The following TNIP3 variants were observed in gnomAD, a reference collection of about 807,000 sequenced individuals.
The protein encoded by TNIP3 is TNFAIP3 interacting protein 3.
TNIP3 carries 34 observed loss-of-function variants against 54.1 expected under a neutral mutation model. The ratio of observed to expected loss-of-function variants is 0.63; its 90% CI spans 0.48 to 0.84. The LOEUF is 0.84. Ranked by LOEUF, TNIP3 falls within the 40% of genes least tolerant of loss-of-function variation. TNIP3 has a pLI of 0.00. For synonymous variants in TNIP3, 134 were observed against 136.8 expected, an observed-to-expected ratio of 0.98 and a Z score of 0.14; for missense variants, 366 against 387.6, an observed-to-expected ratio of 0.94 and a Z score of 0.47.
chr4:121,155,517 G>A (rs1730030219), intron 4 of TNIP3, among the ~76,000 whole-genome samples: 1 of 152,010 alleles, frequency 6.6e-6, no homozygotes, highest in Non-Finnish European at 1.5e-5. Context: ...TTTTTAAAAG[G>A]TAGAAATCAA....
At chr4:121,192,170 A>C (rs1725338924) in intron 2 of TNIP3, among the ~76,000 whole-genome samples, 1 of 152,168 alleles carries the variant, frequency 6.6e-6, no homozygotes, top group Non-Finnish European at 1.5e-5. Context: ...GTGTGCATAC[A>C]AAAAAGAGAT....
chr4:121,143,190 A>G (rs1353810134), intron 7 of TNIP3, among the ~76,000 whole-genome samples: 1 of 152,186 alleles, frequency 6.6e-6, no homozygotes, highest in African/African-American at 2.4e-5. Context: ...AATTCTCCCA[A>G]TCCCTCTATG....
At chr4:121,178,696 C>T (rs1429542665) in intron 3 of TNIP3, among the ~76,000 whole-genome samples, 1 of 152,116 alleles carries the variant, frequency 6.6e-6, no homozygotes, top group African/African-American at 2.4e-5. Context: ...TTTGATACTC[C>T]CCTGCAGACT....
chr4:121,216,608 AAAGCCATGTTTTTAT>A, exon 1 of TNIP3: 1 of 1,487,740 alleles, frequency 6.7e-7, no homozygotes, highest in South Asian at 1.3e-5. Context: ...TTTTTCATCA[AAAGCCATGTTTTTAT>A]TCTCATGTCT....
intron 2 of TNIP3, among the ~76,000 whole-genome samples, chr4:121,201,528 A>C (rs1725886467): frequency 1.3e-5 from 2 of 152,212 alleles, no homozygotes; most frequent in Admixed American, 1.3e-4. Flanking sequence ...TGCCTTAGGC[A>C]AACTTAGAGC....
intron 2 of TNIP3, among the ~76,000 whole-genome samples, chr4:121,196,616 G>T (rs1275866503): frequency 6.6e-6 from 1 of 150,884 alleles, no homozygotes; most frequent in Non-Finnish European, 1.5e-5. Context: ...CTTTGAAGAT[G>T]AAAAAAATTA....
At chr4:121,202,320 T>A (rs552257854) in intron 2 of TNIP3, among the ~76,000 whole-genome samples, 3 of 152,072 alleles carry the variant, frequency 2.0e-5, no homozygotes, top group Non-Finnish European at 2.9e-5. Flanking sequence ...GGGAAAGGAC[T>A]CCCTATTCAA....
chr4:121,169,497 C>G (rs866529680), intron 3 of TNIP3, among the ~76,000 whole-genome samples: 25 of 152,276 alleles, frequency 1.6e-4, no homozygotes, highest in African/African-American at 5.8e-4. Flanking sequence ...CCTCCCGACA[C>G]TAGCTTGTAA....
At chr4:121,192,386 C>T (rs1725349703) in intron 2 of TNIP3, among the ~76,000 whole-genome samples, 1 of 152,208 alleles carries the variant, frequency 6.6e-6, no homozygotes, top group African/African-American at 2.4e-5. Flanking sequence ...GGCACGTTCC[C>T]AGTCCCTTCG....
chr4:121,221,909 A>G (rs1727042313), intron 1 of TNIP3, among the ~76,000 whole-genome samples: 1 of 152,136 alleles, frequency 6.6e-6, no homozygotes, highest in South Asian at 2.1e-4. Context: ...GAACACCTGC[A>G]TTTCTTCTTC....
chr4:121,155,253 A>G (rs1730015377), intron 4 of TNIP3, among the ~76,000 whole-genome samples: 1 of 152,146 alleles, frequency 6.6e-6, no homozygotes, highest in South Asian at 2.1e-4. Flanking sequence ...CTTACTTTCA[A>G]TTATCAGACA....
At chr4:121,195,042 G>T (rs1160233771) in intron 2 of TNIP3, among the ~76,000 whole-genome samples, 1 of 148,656 alleles carries the variant, frequency 6.7e-6, no homozygotes, top group East Asian at 1.9e-4. Flanking sequence ...GTGGCAGGTG[G>T]CTGTAATCCC....
At chr4:121,184,564 A>C (rs945236968) in intron 2 of TNIP3, among the ~76,000 whole-genome samples, 1 of 152,182 alleles carries the variant, frequency 6.6e-6, no homozygotes, top group Non-Finnish European at 1.5e-5. Context: ...CTGGTTTAGA[A>C]TCAGCCCCTT....
intron 2 of TNIP3, among the ~76,000 whole-genome samples, chr4:121,186,211 T>A (rs563163631): frequency 2.0e-5 from 3 of 152,128 alleles, no homozygotes; most frequent in Non-Finnish European, 4.4e-5. Context: ...GAGAACCATA[T>A]GGTGGTGACC....
At chr4:121,193,399 T>G (rs1210034852) in intron 2 of TNIP3, among the ~76,000 whole-genome samples, 2 of 152,102 alleles carry the variant, frequency 1.3e-5, no homozygotes, top group African/African-American at 2.4e-5. Context: ...TAAGAATACA[T>G]TAGAATTCAT....
Position 121,202,290 on chromosome 4 carries a change from G to A in TNIP3, c.68+14125C>T, listed in dbSNP as rs1725936111. On this transcript the variant is annotated intron_variant, in intron 2 of 12. Transcript: ENST00000507879. The stretch of plus-strand genomic sequence containing the variant: ...TTAGAGCCAACTGATCTTTGACAAT[G>A]CAAACAAAAACATAAAGTGGGGAAA... 2.0e-5 allele frequency among the ~76,000 whole-genome samples: 3 copies of A among 152,132 alleles called. No homozygotes were observed. In the South Asian group the frequency reaches 6.2e-4, roughly 31 times the overall value.
At chr4:121,151,497 C>T (rs1040893441) in intron 5 of TNIP3, among the ~76,000 whole-genome samples, 1 of 151,888 alleles carries the variant, frequency 6.6e-6, no homozygotes, top group African/African-American at 2.4e-5. Flanking sequence ...CTTTTTTCAT[C>T]CTTCAGGGAG....
Position 121,147,118 on chromosome 4 carries a change from A to G in TNIP3, c.666T>C (p.Asn222=). ...TTTGCTGTAGCTCCTCTTTCTCTTG[A>G]TTAAGTCTCTCTCGATCCGATCGTT... ...KKERSDRERL[N]QEKEELQQIN... Residue 222 remains asparagine (N), a synonymous_variant, in exon 7 of 11, where the codon AAT becomes AAC. Coordinates refer to ENST00000057513, the MANE Select transcript of TNIP3 (RefSeq NM_024873.6). 6.2e-7 allele frequency: 1 copy of G among 1,613,458 alleles called. No individual in the cohort carries two copies.
intron 2 of TNIP3, among the ~76,000 whole-genome samples, chr4:121,196,908 T>G (rs964610201): frequency 6.6e-6 from 1 of 152,036 alleles, no homozygotes; most frequent in Non-Finnish European, 1.5e-5. Flanking sequence ...GATTAGTGTT[T>G]TATCAGTCAT....
Sources: gnomAD v4.1 joint callset for allele counts (sites outside exome capture counted in the v4.1 genomes callset) on GRCh38, gnomAD v4.1.1 for gene constraint, MANE v1.5 for transcripts, NCBI Gene and HGNC (gene_info 2026-07-23, HGNC 2026-07-21) for gene names.